Variants in ZNF3 observed in about 807,000 individuals in gnomAD.
ZNF3 encodes the protein zinc finger protein 3.
ZNF3 carries 16 observed loss-of-function variants against 36.9 expected under a neutral mutation model. The observed-to-expected ratio is 0.43, with a 90% CI of 0.29 to 0.66. The LOEUF (loss-of-function observed/expected upper bound fraction) is 0.66, where lower values mean the gene tolerates loss of function less well. ZNF3 is among the 30% of genes least tolerant of loss of function. The pLI is 0.13. For synonymous variants in ZNF3, 201 were observed against 201.9 expected, an observed-to-expected ratio of 1.00 and a Z score of 0.04; for missense variants, 462 against 543.1, an observed-to-expected ratio of 0.85 and a Z score of 1.48.
At chr7:100,079,453 G>C (rs1794650125) in intron 2 of ZNF3, 83 bp downstream of exon 2, 1 of 152,256 alleles carries the variant, frequency 6.6e-6, no homozygotes, top group African/African-American at 2.4e-5. Flanking sequence ...CCCCTGCTCT[G>C]TTGCCAGCCT....
exon 6 of ZNF3, chr7:100,064,668 A>C (rs1792547348): frequency 1.2e-6 from 2 of 1,602,258 alleles, no homozygotes. Flanking sequence ...GAATCTGAAA[A>C]CCAGAAAGAA....
chr7:100,070,340 G>C lies in ZNF3; in HGVS notation c.*803C>G, dbSNP rs1259049288. 38 of 985,350 alleles carry C rather than the reference G, an allele frequency of 3.9e-5. No homozygotes were observed. Among genetic ancestry groups the C allele is most frequent in the Non-Finnish European group, 4.5e-5 (37 of 829,986 alleles). The allele number at this position is 985,350 out of a possible 1,614,324, so 61.0% of individuals were successfully genotyped here. ...GAAAGCATCCTTACCCAGGCATTTA[G>C]AGAAAATCATTTTCATCATTGGAGT... is the stretch of plus-strand genomic sequence containing the variant. On this transcript the variant is annotated 3_prime_UTR_variant, in exon 6 of 6. Transcript: ENST00000299667.
downstream of ZNF3, among the ~76,000 whole-genome samples, chr7:100,065,490 T>C (rs1195336901): frequency 2.0e-5 from 3 of 151,344 alleles, no homozygotes; most frequent in African/African-American, 4.9e-5. Flanking sequence ...CCAGGGGCCA[T>C]GTTGAACTGT....
At chr7:100,064,932 TAA>T in intron 5 of ZNF3, 3 of 1,610,336 alleles carry the variant, frequency 1.9e-6, no homozygotes, top group Non-Finnish European at 2.5e-6. Flanking sequence ...GAAGAAACAT[TAA>T]GATTGTTTAA....
At chr7:100,068,633 C>T (rs1207996705), downstream of ZNF3, among the ~76,000 whole-genome samples, 1 of 137,294 alleles carries the variant, frequency 7.3e-6, no homozygotes, top group African/African-American at 2.7e-5. Context: ...AGCAAGACTC[C>T]ATCTCAAAAA....
At chr7:100,075,355 T>C in intron 4 of ZNF3, 94 bp from the exon 5 acceptor site, 1 of 1,605,388 alleles carries the variant, frequency 6.2e-7, no homozygotes, top group Non-Finnish European at 8.5e-7. Flanking sequence ...AAATGCACAT[T>C]TGGGAAGGGA....
upstream of ZNF3, among the ~76,000 whole-genome samples, chr7:100,082,067 A>G (rs553624397): frequency 2.0e-3 from 301 of 152,314 alleles, 2 homozygotes; most frequent in African/African-American, 7.0e-3. Context: ...CGCGCTTCTC[A>G]GGCTGGCTCG....
chr7:100,067,468 T>C (rs1434964996), downstream of ZNF3, among the ~76,000 whole-genome samples: 1 of 152,132 alleles, frequency 6.6e-6, no homozygotes, highest in Non-Finnish European at 1.5e-5. Context: ...AGGGGTCTCA[T>C]TATATTGCCT....
downstream of ZNF3, among the ~76,000 whole-genome samples, chr7:100,065,915 C>T (rs1048764041): frequency 1.4e-5 from 2 of 145,282 alleles, no homozygotes; most frequent in Admixed American, 1.4e-4. Context: ...AGATCCGTGT[C>T]ATACTAGATC....
intron 2 of ZNF3, among the ~76,000 whole-genome samples, chr7:100,078,453 G>A (rs538706057): frequency 1.4e-5 from 2 of 147,968 alleles, no homozygotes; most frequent in South Asian, 2.1e-4. Context: ...CCGAGATCAC[G>A]CCACTGCACT....
chr7:100,071,707 A>G lies in ZNF3; in HGVS notation c.777T>C (p.Ser259=), dbSNP rs767426093. Residue 259 remains serine (S), a synonymous_variant, in exon 6 of 6, where the codon AGT becomes AGC. Transcript: ENST00000299667. ...TACAGCTGAAGGTTTTCCCACAATC[A>G]CTACATTCATAAGGTTTTTCCCCAG... ...IHTGEKPYEC[S]DCGKTFSCSS... 1 of 1,612,716 alleles carries G rather than the reference A, an allele frequency of 6.2e-7. No individual in the cohort carries two copies. The highest frequency in any genetic ancestry group is 1.1e-5 in the South Asian group (1 of 90,986).
At chr7:100,076,783 A>G (rs1562875328) in intron 3 of ZNF3, among the ~76,000 whole-genome samples, 3 of 152,234 alleles carry the variant, frequency 2.0e-5, no homozygotes, top group Non-Finnish European at 2.9e-5. Flanking sequence ...GGTACTCACA[A>G]CCCCTCAAAA....
rs1391511942 is a variant in ZNF3 at position 100,070,436 on chromosome 7, G to A, written c.*707C>T. The A allele has an allele frequency of 1.3e-5, 13 of 985,328 alleles. No homozygotes were observed. In the African/African-American group the frequency reaches 1.7e-4, roughly 13 times the overall value. The allele number at this position is 985,328 out of a possible 1,614,324, so 61.0% of individuals were successfully genotyped here. ...GCTTCTGACCCTCTCCCTCACAGCCGGTTACTAGCTGTTTGGACAGATTTG... is the reference window on the plus strand; with the variant it reads ...GCTTCTGACCCTCTCCCTCACAGCCAGTTACTAGCTGTTTGGACAGATTTG... On this transcript the variant is annotated 3_prime_UTR_variant, in exon 6 of 6. Coordinates refer to ENST00000299667, the MANE Select transcript of ZNF3 (RefSeq NM_032924.5).
In ZNF3 at chr7:100,072,118, C is replaced by T. The variant is rs754565725; in HGVS notation, c.366G>A (p.Gln122=). 5.6e-6 allele frequency: 9 copies of T among 1,613,978 alleles called. No homozygotes were observed. The African/African-American group carries it at 9.3e-5, about 17-fold the overall frequency. The stretch of plus-strand genomic sequence containing the variant: ...CATAGGCTTCTTTAAACTTGAGACC[C>T]TGAGAAATATCCTTTTGAAATCTTC... The part of the protein sequence containing the change: ...LLGRFQKDIS[Q]GLKFKEAYER... Residue 122 remains glutamine, a synonymous_variant, in exon 6 of 6, where the codon CAG becomes CAA. Transcript: ENST00000299667.
At chr7:100,078,513 AAAAG>A (rs969186629) in intron 2 of ZNF3, among the ~76,000 whole-genome samples, 4 of 151,340 alleles carry the variant, frequency 2.6e-5, no homozygotes, top group Non-Finnish European at 4.4e-5. Context: ...AAAAAAAAGA[AAAAG>A]AAAAGAAAAA....
chr7:100,078,140 A>G (rs1439283718), intron 2 of ZNF3, among the ~76,000 whole-genome samples: 1 of 152,098 alleles, frequency 6.6e-6, no homozygotes, highest in Non-Finnish European at 1.5e-5. Flanking sequence ...GGCTGCCCCC[A>G]TCACTTTGAG....
intron 4 of ZNF3, 56 bp downstream of exon 4, chr7:100,075,486 G>T: frequency 6.3e-7 from 1 of 1,595,394 alleles, no homozygotes; most frequent in South Asian, 1.1e-5. Context: ...AGCTCTGAAT[G>T]GGATGTCATT....
downstream of ZNF3, among the ~76,000 whole-genome samples, chr7:100,068,019 G>C (rs1792733572): frequency 6.6e-6 from 1 of 152,200 alleles, no homozygotes; most frequent in South Asian, 2.1e-4. Context: ...AGAAAGTCCA[G>C]GTGTAACTGC....
downstream of ZNF3, among the ~76,000 whole-genome samples, chr7:100,067,194 A>C (rs7778571): frequency 3.3e-5 from 5 of 152,004 alleles, no homozygotes; most frequent in African/African-American, 1.2e-4. Flanking sequence ...ATCTCCTACT[A>C]TTAACCCTGC....
Sources: gnomAD v4.1 joint callset for allele counts (sites outside exome capture counted in the v4.1 genomes callset) on GRCh38, gnomAD v4.1.1 for gene constraint, MANE v1.5 for transcripts, NCBI Gene and HGNC (gene_info 2026-07-23, HGNC 2026-07-21) for gene names.